TRAPPC9: variants seen among roughly 807,000 people sequenced by gnomAD.
TRAPPC9 encodes IKK2 binding protein.
Under a neutral mutation model 124.0 loss-of-function variants are expected in TRAPPC9, and 83 were observed. That is an observed-to-expected ratio of 0.67 (90% CI 0.56 to 0.80). The LOEUF is 0.80. Among genes scored for constraint, TRAPPC9 ranks in the 30% least tolerant of loss-of-function variants. The pLI, the probability that TRAPPC9 is intolerant of heterozygous loss-of-function variation, is 0.00. For synonymous variants in TRAPPC9, 638 were observed against 617.5 expected, an observed-to-expected ratio of 1.03 and a Z score of -0.49; for missense variants, 1,302 against 1,508.3, an observed-to-expected ratio of 0.86 and a Z score of 2.27.
chr8:140,210,222 G>A (rs976469884), intron 17 of TRAPPC9, among the ~76,000 whole-genome samples: 11 of 152,202 alleles, frequency 7.2e-5, no homozygotes, highest in African/African-American at 1.7e-4. Flanking sequence ...TGCCTCTGCC[G>A]CTGAACTACT....
intron 13 of TRAPPC9, among the ~76,000 whole-genome samples, chr8:140,286,175 G>C (rs749045305): frequency 3.9e-5 from 6 of 152,198 alleles, no homozygotes; most frequent in Admixed American, 6.5e-5. Flanking sequence ...CACTCGATGG[G>C]ACACAGGCAA....
intron 17 of TRAPPC9, among the ~76,000 whole-genome samples, chr8:140,192,206 G>C (rs923691441): frequency 3.3e-5 from 5 of 152,208 alleles, no homozygotes; most frequent in Admixed American, 1.3e-4. Flanking sequence ...AGACAATGAA[G>C]GCCAAGCAGG....
At chr8:140,246,816 C>T (rs1346632322) in intron 16 of TRAPPC9, among the ~76,000 whole-genome samples, 1 of 152,132 alleles carries the variant, frequency 6.6e-6, no homozygotes, top group Non-Finnish European at 1.5e-5. Context: ...GAAACCCCGT[C>T]TCTCCTAAAA....
At chr8:140,025,813 T>C (rs1330725329) in intron 17 of TRAPPC9, among the ~76,000 whole-genome samples, 1 of 152,228 alleles carries the variant, frequency 6.6e-6, no homozygotes, top group Non-Finnish European at 1.5e-5. Flanking sequence ...CTTCTAGTTT[T>C]GTTTTATATT....
chr8:140,218,555 T>G (rs546851832), intron 17 of TRAPPC9, among the ~76,000 whole-genome samples: 1 of 152,074 alleles, frequency 6.6e-6, no homozygotes, highest in East Asian at 1.9e-4. Context: ...AAGTTCTACC[T>G]GGCCAGGAGA....
At chr8:139,882,624 G>A (rs1829741020) in intron 21 of TRAPPC9, among the ~76,000 whole-genome samples, 1 of 152,154 alleles carries the variant, frequency 6.6e-6, no homozygotes, top group South Asian at 2.1e-4. Flanking sequence ...ACTGGCCCAC[G>A]TCATCTATGG....
At chr8:140,399,399 C>A (rs1280584360) in intron 6 of TRAPPC9, among the ~76,000 whole-genome samples, 1 of 152,216 alleles carries the variant, frequency 6.6e-6, no homozygotes, top group South Asian at 2.1e-4. Context: ...ATGAAAGCAG[C>A]CAGGACAGGG....
chr8:140,360,091 G>C lies in TRAPPC9; in HGVS notation c.1454C>G (p.Ser485Cys). Residue 485 changes from serine to cysteine, a missense_variant, in exon 9 of 23, where the codon TCC becomes TGC. Around this residue, in one of 3 missense-constraint regions of TRAPPC9, gnomAD observed 657 missense variants for 811.2 expected, o/e 0.81. Coordinates refer to ENST00000438773, the MANE Select transcript of TRAPPC9 (RefSeq NM_001160372.4). ...GNPALSVRHL[S>C]FLLQTMLDFL... ...GTCCAGCATGGTCTGTAGAAGGAAG[G>C]ACAGGTGTCTGACAGAGAGGGCAGG... is the stretch of plus-strand genomic sequence containing the variant. 1 of 1,614,212 alleles carries C rather than the reference G, an allele frequency of 6.2e-7. No individual in the cohort carries two copies. Among genetic ancestry groups the C allele is most frequent in the Non-Finnish European group, 8.5e-7 (1 of 1,180,046 alleles).
chr8:139,804,221 GCACCATCACCACCACC>G (rs1184015208), intron 21 of TRAPPC9, among the ~76,000 whole-genome samples: 1 of 74,644 alleles, frequency 1.3e-5, no homozygotes, highest in Non-Finnish European at 2.5e-5. Context: ...CCACCACCAA[GCACCATCACCACCACC>G]CACCACCACC....
chr8:139,768,226 TTAAG>T (rs1208327237), intron 21 of TRAPPC9, among the ~76,000 whole-genome samples: 1 of 152,236 alleles, frequency 6.6e-6, no homozygotes, highest in Non-Finnish European at 1.5e-5. Context: ...GTTTTACATA[TTAAG>T]TAAAAGCATA....
intron 17 of TRAPPC9, among the ~76,000 whole-genome samples, chr8:140,117,484 C>T (rs765629322): frequency 2.6e-5 from 4 of 152,154 alleles, no homozygotes; most frequent in Non-Finnish European, 4.4e-5. Flanking sequence ...GAGAAGGACA[C>T]GCTGGTTCCT....
At chr8:139,783,708 C>T (rs1821990020) in intron 21 of TRAPPC9, among the ~76,000 whole-genome samples, 1 of 152,174 alleles carries the variant, frequency 6.6e-6, no homozygotes, top group African/African-American at 2.4e-5. Context: ...AAAAGAACTA[C>T]AAATATCCCT....
chr8:139,926,720 G>A (rs982790490), intron 19 of TRAPPC9, among the ~76,000 whole-genome samples: 3 of 151,602 alleles, frequency 2.0e-5, no homozygotes, highest in African/African-American at 7.2e-5. Context: ...CTCTGCCTCA[G>A]AAAAAAACAA....
Position 140,101,156 on chromosome 8 carries a change from T to C in TRAPPC9, c.2557-77077A>G, listed in dbSNP as rs537264017. Among the ~76,000 whole-genome samples, 9 of 152,388 alleles carry C rather than the reference T, an allele frequency of 5.9e-5. No homozygotes were observed. The South Asian group carries it at 1.7e-3, about 28-fold the overall frequency. ...AATCAAAATGAGCATATCTTTTTCT[T>C]TGAGACGGAGTCTCGCTCTGTCACC... On this transcript the variant is annotated intron_variant, in intron 17 of 22. Transcript: ENST00000438773.
intron 17 of TRAPPC9, among the ~76,000 whole-genome samples, chr8:140,056,390 A>G (rs558223512): frequency 2.6e-5 from 4 of 152,174 alleles, no homozygotes; most frequent in African/African-American, 9.6e-5. Context: ...AGCCTAGGCA[A>G]CAGAGTAAGA....
At chr8:139,739,455 A>G (rs1162833284) in intron 21 of TRAPPC9, among the ~76,000 whole-genome samples, 1 of 151,322 alleles carries the variant, frequency 6.6e-6, no homozygotes, top group African/African-American at 2.4e-5. Flanking sequence ...TCTCACCCCA[A>G]CTCTGGTCTC....
At chr8:139,901,479 A>G (rs1831015956) in intron 20 of TRAPPC9, among the ~76,000 whole-genome samples, 2 of 152,108 alleles carry the variant, frequency 1.3e-5, no homozygotes, top group African/African-American at 2.4e-5. Context: ...GGTGTGAGAG[A>G]CCCAACTGGA....
At chr8:140,083,678 G>T (rs575907597) in intron 17 of TRAPPC9, among the ~76,000 whole-genome samples, 4,460 of 151,562 alleles carry the variant, frequency 0.029, 189 homozygotes, top group African/African-American at 0.095. Context: ...TTTTGTTTTT[G>T]TTTTTTGAGA....
At chr8:139,807,756 C>T (rs1170898668) in intron 21 of TRAPPC9, among the ~76,000 whole-genome samples, 1 of 152,064 alleles carries the variant, frequency 6.6e-6, no homozygotes, top group East Asian at 1.9e-4. Context: ...TAATAGCCTT[C>T]AAGGAAAACC....
Sources: gnomAD v4.1 joint callset for allele counts (sites outside exome capture counted in the v4.1 genomes callset) on GRCh38, gnomAD v4.1.1 for gene constraint, gnomAD v4.1.1 regional missense constraint, MANE v1.5 for transcripts, NCBI Gene and HGNC (gene_info 2026-07-23, HGNC 2026-07-21) for gene names.